EEA1: variants seen among roughly 807,000 people sequenced by gnomAD.
The protein encoded by EEA1 is early endosome antigen 1, also known as early endosome antigen 1, 162kD.
A neutral mutation model predicts 209.2 loss-of-function variants in EEA1; 111 were observed. The observed-to-expected ratio is 0.53, with a 90% CI of 0.45 to 0.62. EEA1 has a LOEUF of 0.62. EEA1 is among the 20% of genes least tolerant of loss of function. The pLI, the probability that EEA1 is intolerant of heterozygous loss-of-function variation, is 0.00. For missense variants in EEA1, 1,343 were observed against 1,530.8 expected (o/e 0.88, Z 2.05); for synonymous variants, 536 against 540.6 (o/e 0.99, Z 0.12).
chr12:92,779,157 T>C lies in EEA1; in HGVS notation c.3612A>G (p.Glu1204=), dbSNP rs1388447605. 5 of 1,608,782 alleles carry C rather than the reference T, an allele frequency of 3.1e-6. No homozygotes were observed. The highest frequency in any genetic ancestry group is 4.2e-6 in the Non-Finnish European group (5 of 1,178,778). The change falls in exon 25 of 29, where the codon GAA becomes GAG. Residue 1204 remains glutamate (E), a synonymous_variant. Coordinates refer to ENST00000322349, the MANE Select transcript of EEA1 (RefSeq NM_003566.4). The part of the protein sequence containing the change: ...QILKDQVKKE[E]EELKKEFIEK... Reference sequence around the variant, plus strand: ...CAATAAATTCTTTCTTCAGCTCCTCTTCTTCCTTTTTCACCTGGTCTTTTA... The same window carrying C: ...CAATAAATTCTTTCTTCAGCTCCTCCTCTTCCTTTTTCACCTGGTCTTTTA...
chr12:92,884,827 CTGTTTT>C, intron 2 of EEA1: 1 of 667,462 alleles, frequency 1.5e-6, no homozygotes, highest in Non-Finnish European at 2.7e-6. Flanking sequence ...CAAAGAAGAC[CTGTTTT>C]AGACAAATAC....
At chr12:92,856,914 G>A (rs1417199698) in intron 5 of EEA1, among the ~76,000 whole-genome samples, 1 of 151,384 alleles carries the variant, frequency 6.6e-6, no homozygotes, top group Non-Finnish European at 1.5e-5. Flanking sequence ...TGGGACCACA[G>A]GCACATGGCA....
chr12:92,849,751 T>G (rs1476432213), intron 9 of EEA1, among the ~76,000 whole-genome samples: 1 of 152,208 alleles, frequency 6.6e-6, no homozygotes, highest in Non-Finnish European at 1.5e-5. Context: ...ATAATACTTA[T>G]ACCCCAAAGC....
intron 1 of EEA1, among the ~76,000 whole-genome samples, chr12:92,915,291 AC>A (rs1025624051): frequency 2.6e-5 from 4 of 152,068 alleles, no homozygotes; most frequent in Admixed American, 2.0e-4. Flanking sequence ...ACAAAGTGAG[AC>A]CCCGTCTCTA....
At chr12:92,925,196 A>C (rs543605471) in intron 1 of EEA1, among the ~76,000 whole-genome samples, 7 of 151,268 alleles carry the variant, frequency 4.6e-5, no homozygotes, top group Non-Finnish European at 8.9e-5. Flanking sequence ...AAAAAAAAAA[A>C]AACACTAATC....
At chr12:92,804,709 A>C (rs1288031082) in intron 18 of EEA1, among the ~76,000 whole-genome samples, 1 of 152,146 alleles carries the variant, frequency 6.6e-6, no homozygotes, top group Non-Finnish European at 1.5e-5. Flanking sequence ...TAAACTGCAG[A>C]GGAATGAAAA....
chr12:92,889,104 A>T (rs1289883761), intron 2 of EEA1, among the ~76,000 whole-genome samples: 2 of 151,926 alleles, frequency 1.3e-5, no homozygotes, highest in South Asian at 4.1e-4. Flanking sequence ...GTGACCCAAG[A>T]TCATGTCACT....
At chr12:92,928,856 C>T (rs1337840067) in intron 1 of EEA1, among the ~76,000 whole-genome samples, 187 bp downstream of exon 1, 1 of 150,768 alleles carries the variant, frequency 6.6e-6, no homozygotes, top group Non-Finnish European at 1.5e-5. Flanking sequence ...CTCTGCCTGC[C>T]GCCCCGCCGC....
intron 1 of EEA1, among the ~76,000 whole-genome samples, chr12:92,894,478 A>G (rs976627029): frequency 6.6e-6 from 1 of 152,020 alleles, no homozygotes; most frequent in Non-Finnish European, 1.5e-5. Context: ...ATGCAAAGAA[A>G]AAGTTCCTGG....
chr12:92,884,447 G>A (rs1271967623), intron 2 of EEA1: 15 of 1,459,554 alleles, frequency 1.0e-5, no homozygotes, highest in Admixed American at 1.7e-5. Flanking sequence ...TGGTGGTGGT[G>A]GATATGGTGG....
chr12:92,793,002 C>T (rs973439708), intron 21 of EEA1, among the ~76,000 whole-genome samples: 13 of 152,098 alleles, frequency 8.5e-5, no homozygotes, highest in Non-Finnish European at 1.2e-4. Flanking sequence ...AAATGTAATC[C>T]GTCACATAAA....
At chr12:92,864,624 C>A (rs949068231) in intron 3 of EEA1, among the ~76,000 whole-genome samples, 1 of 152,146 alleles carries the variant, frequency 6.6e-6, no homozygotes, top group Non-Finnish European at 1.5e-5. Flanking sequence ...TGCTAACTCA[C>A]AATCTTCATT....
In EEA1 at chr12:92,867,014, C is replaced by A. The variant is rs564118890; in HGVS notation, c.118-2027G>T. Among the ~76,000 whole-genome samples the A allele has an allele frequency of 2.6e-5, 4 of 152,284 alleles. No individual in the cohort carries two copies. The South Asian group carries it at 8.3e-4, about 32-fold the overall frequency. ...CTCTGCAATAACATTAGAAACAGTG[C>A]TCCTATATCCAGTCTTCCCTCTTCC... On this transcript the variant is annotated intron_variant, in intron 2 of 28. Coordinates refer to ENST00000322349, the MANE Select transcript of EEA1 (RefSeq NM_003566.4).
chr12:92,906,173 C>T (rs61935332), intron 1 of EEA1, among the ~76,000 whole-genome samples: 1 of 151,436 alleles, frequency 6.6e-6, no homozygotes, highest in Non-Finnish European at 1.5e-5. Flanking sequence ...CTCATTGCAA[C>T]CTCTGCCTCC....
At chr12:92,829,792 A>AC (rs1273935037) in intron 11 of EEA1, among the ~76,000 whole-genome samples, 41 of 138,542 alleles carry the variant, frequency 3.0e-4, no homozygotes, top group South Asian at 4.8e-4. Context: ...AAAAAAAAAA[A>AC]AAAACAAAAA....
rs1875483847 is a variant in EEA1, at chr12:92,811,266, C to T, written c.2199+13G>A. ...TAGAAAATATGACTAAATTCAACTT[C>T]TTTTATACAAACCTTAATTTGACCT... On this transcript the variant is annotated intron_variant, in intron 17 of 28. Coordinates refer to ENST00000322349, the MANE Select transcript of EEA1 (RefSeq NM_003566.4). 6.7e-7 allele frequency: 1 copy of T among 1,490,902 alleles called. No homozygotes were observed. The highest frequency in any genetic ancestry group is 8.9e-7 in the Non-Finnish European group (1 of 1,119,202). The allele number at this position is 1,490,902 out of a possible 1,614,324, so 92.4% of individuals were successfully genotyped here. A position where few individuals can be genotyped will look rare whatever the true frequency, so the allele number is the denominator to read the frequency against.
intron 2 of EEA1, among the ~76,000 whole-genome samples, chr12:92,867,669 G>T (rs1878462251): frequency 2.6e-5 from 4 of 152,100 alleles, no homozygotes; most frequent in Admixed American, 1.3e-4. Context: ...GTTTATTGGG[G>T]ATACTGATAT....
rs565442739 is a variant in EEA1 at position 92,842,634 on chromosome 12, T to TA, written c.799-54dup. 1,807 of 1,074,442 alleles carry TA rather than the reference T, an allele frequency of 1.7e-3. 10 individuals are homozygous for TA. Among genetic ancestry groups the TA allele is most frequent in the Non-Finnish European group, 2.1e-3 (1,577 of 740,466 alleles). 66.6% of individuals were successfully genotyped at this position (1,074,442 alleles called of 1,614,324 possible). On this transcript the variant is annotated intron_variant, in intron 9 of 28. Coordinates refer to ENST00000322349, the MANE Select transcript of EEA1 (RefSeq NM_003566.4). ...AAAGCAAACTAAATTGTCTAAAAGA[T>TA]AAAAAAAATGAAAGTATATAAAGGT...
chr12:92,802,689 A>C lies in EEA1; in HGVS notation c.2385T>G (p.Leu795=), dbSNP rs1366662676. ...TGGTAAGCTTTTGCTTGATACTTTCAAGGGCTTCAGATTTTTTCTGTAGAT... is the reference window on the plus strand; with the variant it reads ...TGGTAAGCTTTTGCTTGATACTTTCCAGGGCTTCAGATTTTTTCTGTAGAT... ...RLDLQKKSEA[L]ESIKQKLTKQ... Residue 795 remains leucine (L), a synonymous_variant, in exon 19 of 29, where the codon CTT becomes CTG. Coordinates refer to ENST00000322349, the MANE Select transcript of EEA1 (RefSeq NM_003566.4). 2.5e-6 allele frequency: 4 copies of C among 1,600,686 alleles called. No individual in the cohort carries two copies. In the African/African-American group the frequency reaches 5.4e-5, roughly 22 times the overall value.
Sources: allele counts gnomAD v4.1 joint callset (sites outside exome capture counted in the v4.1 genomes callset), GRCh38; gene constraint gnomAD v4.1.1; transcripts MANE v1.5; gene names NCBI Gene and HGNC (gene_info 2026-07-23, HGNC 2026-07-21).